The following AGPS variants were observed in gnomAD, a reference collection of about 807,000 sequenced individuals.
The protein encoded by AGPS is alkyldihydroxyacetonephosphate synthase, peroxisomal.
AGPS carries 26 observed loss-of-function variants against 90.7 expected under a neutral mutation model. The ratio of observed to expected loss-of-function variants is 0.29; its 90% CI spans 0.21 to 0.40. AGPS has a LOEUF of 0.40. Ranked by LOEUF, AGPS falls within the 10% of genes least tolerant of loss-of-function variation. AGPS has a pLI of 1.00. For missense variants in AGPS, 540 were observed against 816.1 expected (o/e 0.66, Z 4.12); for synonymous variants, 294 against 285.3 (o/e 1.03, Z -0.31).
intron 17 of AGPS, among the ~76,000 whole-genome samples, chr2:177,519,986 T>C (rs1389229821): frequency 1.3e-5 from 2 of 152,192 alleles, no homozygotes; most frequent in African/African-American, 4.8e-5. Context: ...TTAGACCATA[T>C]AGGGTAACTT....
Position 177,449,432 on chromosome 2 carries a change from T to C in AGPS, c.870+3806T>C, listed in dbSNP as rs149476108. On this transcript the variant is annotated intron_variant, in intron 8 of 19. Coordinates refer to ENST00000264167, the MANE Select transcript of AGPS (RefSeq NM_003659.4). ...TATCTTATTGTAGGTTTGTTTTGTT[T>C]TGTTTTTTGAGACAGTGTCTCATGC... 3.2e-3 allele frequency among the ~76,000 whole-genome samples: 483 copies of C among 152,318 alleles called. 3 individuals are homozygous for C. The highest frequency in any genetic ancestry group is 0.011 in the African/African-American group (456 of 41,566).
intron 6 of AGPS, 72 bp downstream of exon 6, chr2:177,441,108 G>A (rs1404777504): frequency 1.6e-6 from 2 of 1,252,992 alleles, no homozygotes; most frequent in African/African-American, 1.5e-5. Flanking sequence ...TTAAATATTT[G>A]CGTCACCCTA....
chr2:177,417,185 A>C (rs1381327418), intron 1 of AGPS, among the ~76,000 whole-genome samples: 1 of 152,222 alleles, frequency 6.6e-6, no homozygotes, highest in Admixed American at 6.5e-5. Context: ...ATGTTCCAAC[A>C]TTGGAAACTT....
intron 3 of AGPS, 125 bp from the exon 4 acceptor site, chr2:177,436,639 C>T: frequency 3.4e-6 from 3 of 872,856 alleles, no homozygotes; most frequent in Admixed American, 2.3e-5. Flanking sequence ...GTTGTATTTT[C>T]CTATGCTTCA....
chr2:177,418,019 T>A (rs1685835596), intron 1 of AGPS, among the ~76,000 whole-genome samples: 1 of 152,092 alleles, frequency 6.6e-6, no homozygotes, highest in Admixed American at 6.5e-5. Context: ...AGATTTTAAT[T>A]GTATATGATT....
intron 10 of AGPS, among the ~76,000 whole-genome samples, chr2:177,471,445 A>G (rs899639214): frequency 6.6e-6 from 1 of 152,140 alleles, no homozygotes; most frequent in Non-Finnish European, 1.5e-5. Context: ...CTCCTATTTT[A>G]GATGCTATAA....
chr2:177,497,162 C>T (rs1688435647), intron 12 of AGPS, among the ~76,000 whole-genome samples: 1 of 151,958 alleles, frequency 6.6e-6, no homozygotes, highest in African/African-American at 2.4e-5. Flanking sequence ...GCAATTTTAA[C>T]TCTCCGGGTG....
At chr2:177,507,834 TGA>T in intron 15 of AGPS, 134 bp from the exon 16 acceptor site, 1 of 715,070 alleles carries the variant, frequency 1.4e-6, no homozygotes, top group Non-Finnish European at 2.5e-6. Flanking sequence ...AGTGCTCTTA[TGA>T]GGTGGATAGT....
At chr2:177,504,975 T>A (rs1227491036) in intron 14 of AGPS, among the ~76,000 whole-genome samples, 1 of 152,096 alleles carries the variant, frequency 6.6e-6, no homozygotes, top group East Asian at 1.9e-4. Context: ...ATGTTCATAG[T>A]AGTAAGACCT....
intron 8 of AGPS, among the ~76,000 whole-genome samples, chr2:177,455,248 C>G (rs985213360): frequency 5.9e-5 from 9 of 152,124 alleles, no homozygotes; most frequent in Admixed American, 4.6e-4. Context: ...CTGCTTTTTT[C>G]TGTACTTTTT....
At chr2:177,522,460 G>A (rs1169933991) in intron 18 of AGPS, among the ~76,000 whole-genome samples, 1 of 152,040 alleles carries the variant, frequency 6.6e-6, no homozygotes, top group Non-Finnish European at 1.5e-5. Flanking sequence ...AGTAATGAGG[G>A]TTTTTTGGAG....
At position 177,460,317 on chromosome 2, in the gene AGPS, TA is replaced by T. The variant is rs58426500; in HGVS notation, c.871-1567del. On this transcript the variant is annotated intron_variant, in intron 8 of 19. Transcript: ENST00000264167. ...TACCCCAGAACTTAAAGTATAATGA[TA>T]AAAAAAAATGCAAGTAAGAGGTACC... Among the ~76,000 whole-genome samples, 947 of 151,062 alleles carry T rather than the reference TA, an allele frequency of 6.3e-3. 11 individuals are homozygous for T. The highest frequency in any genetic ancestry group is 0.021 in the African/African-American group (848 of 41,194).
intron 1 of AGPS, among the ~76,000 whole-genome samples, chr2:177,400,415 T>C (rs1685300493): frequency 6.6e-6 from 1 of 152,202 alleles, no homozygotes; most frequent in South Asian, 2.1e-4. Flanking sequence ...ATTTTTTGTA[T>C]AGTTTTCTTA....
chr2:177,462,183 G>A (rs907113112), intron 9 of AGPS, among the ~76,000 whole-genome samples, 165 bp downstream of exon 9: 10 of 151,904 alleles, frequency 6.6e-5, no homozygotes, highest in Admixed American at 4.6e-4. Flanking sequence ...GAGGTCAGGA[G>A]ATCGAGACCA....
intron 5 of AGPS, among the ~76,000 whole-genome samples, chr2:177,437,721 T>A (rs1686456919): frequency 6.6e-6 from 1 of 152,222 alleles, no homozygotes. Context: ...ATCTTCTGAT[T>A]CATTTTCTCT....
chr2:177,460,704 A>G (rs1687266511), intron 8 of AGPS, among the ~76,000 whole-genome samples: 1 of 152,232 alleles, frequency 6.6e-6, no homozygotes, highest in African/African-American at 2.4e-5. Context: ...AGATGGAGTT[A>G]GGGAAGAAAT....
At chr2:177,410,463 A>G (rs906929854) in intron 1 of AGPS, among the ~76,000 whole-genome samples, 1 of 152,088 alleles carries the variant, frequency 6.6e-6, no homozygotes, top group African/African-American at 2.4e-5. Flanking sequence ...CTGTGTATAT[A>G]TTTACCCTTT....
intron 8 of AGPS, among the ~76,000 whole-genome samples, chr2:177,449,486 G>A (rs1468052952): frequency 1.3e-5 from 2 of 152,166 alleles, no homozygotes; most frequent in Admixed American, 6.5e-5. Flanking sequence ...GCAGTGGCAC[G>A]ATCATGGCTC....
intron 8 of AGPS, among the ~76,000 whole-genome samples, chr2:177,452,020 A>G (rs1314062759): frequency 6.6e-6 from 1 of 151,982 alleles, no homozygotes; most frequent in Non-Finnish European, 1.5e-5. Context: ...TGATTTCTAT[A>G]TTAATTTTGT....
Sources: allele counts gnomAD v4.1 joint callset (sites outside exome capture counted in the v4.1 genomes callset), GRCh38; gene constraint gnomAD v4.1.1; transcripts MANE v1.5; gene names NCBI Gene and HGNC (gene_info 2026-07-23, HGNC 2026-07-21).